Variants in DACH1 observed in about 807,000 individuals in gnomAD.
DACH1 encodes dachshund family transcription factor 1.
A neutral mutation model predicts 54.2 loss-of-function variants in DACH1; 12 were observed. That is an observed-to-expected ratio of 0.22 (90% CI 0.14 to 0.36). DACH1 has a LOEUF of 0.36. Among genes scored for constraint, DACH1 ranks in the 10% least tolerant of loss-of-function variants. The pLI is 1.00. For missense variants in DACH1, 805 were observed against 929.8 expected (o/e 0.87, Z 1.75); for synonymous variants, 386 against 366.2 (o/e 1.05, Z -0.62).
At chr13:71,698,970 C>T (rs1274122862) in intron 1 of DACH1, among the ~76,000 whole-genome samples, 1 of 152,040 alleles carries the variant, frequency 6.6e-6, no homozygotes, top group Non-Finnish European at 1.5e-5. Flanking sequence ...ACATTTAATA[C>T]TCTGAAAATG....
At chr13:71,473,176 A>G (rs1877232828) in intron 10 of DACH1, among the ~76,000 whole-genome samples, 1 of 152,254 alleles carries the variant, frequency 6.6e-6, no homozygotes, top group Non-Finnish European at 1.5e-5. Flanking sequence ...AAACAACTGT[A>G]CATTTTGACC....
chr13:71,673,531 T>C (rs1880336409), intron 2 of DACH1, among the ~76,000 whole-genome samples: 1 of 151,960 alleles, frequency 6.6e-6, no homozygotes, highest in Non-Finnish European at 1.5e-5. Context: ...TATATACCTG[T>C]ATATGCAGGA....
intron 3 of DACH1, among the ~76,000 whole-genome samples, chr13:71,575,916 A>G (rs1885499214): frequency 6.6e-6 from 1 of 152,162 alleles, no homozygotes; most frequent in Non-Finnish European, 1.5e-5. Context: ...TGCATTATTT[A>G]TAACATCCTT....
chr13:71,853,964 G>A (rs1873836318), intron 1 of DACH1, among the ~76,000 whole-genome samples: 1 of 152,134 alleles, frequency 6.6e-6, no homozygotes, highest in South Asian at 2.1e-4. Flanking sequence ...AGGAACAGAT[G>A]TGAAACTGAT....
At chr13:71,450,847 G>A (rs114083753) in intron 10 of DACH1, among the ~76,000 whole-genome samples, 1,962 of 152,186 alleles carry the variant, frequency 0.013, 38 homozygotes, top group African/African-American at 0.044. Flanking sequence ...TCATCCAGAG[G>A]AAAGCCCTAA....
At chr13:71,721,070 T>C (rs1246790013) in intron 1 of DACH1, among the ~76,000 whole-genome samples, 1 of 152,140 alleles carries the variant, frequency 6.6e-6, no homozygotes, top group Non-Finnish European at 1.5e-5. Flanking sequence ...CTATGGATAT[T>C]TAAGAAACAA....
At chr13:71,784,645 C>T (rs1886517769) in intron 1 of DACH1, among the ~76,000 whole-genome samples, 1 of 152,078 alleles carries the variant, frequency 6.6e-6, no homozygotes, top group Admixed American at 6.6e-5. Context: ...GTCCACTGCC[C>T]TCTCCTACCC....
At chr13:71,462,095 T>C (rs1338388311) in intron 10 of DACH1, among the ~76,000 whole-genome samples, 1 of 151,966 alleles carries the variant, frequency 6.6e-6, no homozygotes, top group African/African-American at 2.4e-5. Context: ...TTTGTAGCCA[T>C]CATTCATCGT....
intron 1 of DACH1, among the ~76,000 whole-genome samples, chr13:71,767,181 A>G (rs1336218851): frequency 2.6e-5 from 4 of 151,980 alleles, no homozygotes; most frequent in Non-Finnish European, 1.5e-5. Context: ...AATATTAATT[A>G]TTATCAATAT....
intron 2 of DACH1, among the ~76,000 whole-genome samples, chr13:71,647,297 G>A (rs1352959160): frequency 1.3e-5 from 2 of 152,100 alleles, no homozygotes; most frequent in Admixed American, 6.5e-5. Flanking sequence ...AAAGACATTA[G>A]TTTGAAAACA....
intron 1 of DACH1, among the ~76,000 whole-genome samples, chr13:71,812,388 T>C (rs552314637): frequency 7.2e-4 from 110 of 152,318 alleles, no homozygotes; most frequent in African/African-American, 2.5e-3. Context: ...TTAATCAACT[T>C]CTACTCTTAA....
chr13:71,854,864 A>G (rs925730661), intron 1 of DACH1, among the ~76,000 whole-genome samples: 4 of 152,092 alleles, frequency 2.6e-5, no homozygotes, highest in African/African-American at 9.6e-5. Context: ...GGAAACAGCC[A>G]AAGAACTGAT....
intron 3 of DACH1, among the ~76,000 whole-genome samples, chr13:71,607,414 A>C (rs1357234191): frequency 6.6e-6 from 1 of 152,000 alleles, no homozygotes; most frequent in Non-Finnish European, 1.5e-5. Context: ...AACAATTCTA[A>C]AATTTTTTTT....
Position 71,462,588 on chromosome 13 carries a change from AACT to A in DACH1, c.2083+12550_2083+12552del, listed in dbSNP as rs370611817. On this transcript the variant is annotated intron_variant, in intron 10 of 10. Transcript: ENST00000613252. ...TTTTACCAAAAATAAACACAATTTC[AACT>A]ACTATTACATTAAATTTGTGCATAA... Among the ~76,000 whole-genome samples the A allele has an allele frequency of 4.9e-3, 745 of 152,028 alleles. 4 individuals carry two copies. The highest frequency in any genetic ancestry group is 7.9e-3 in the Non-Finnish European group (534 of 67,860).
chr13:71,489,279 T>A, intron 6 of DACH1, 131 bp from the exon 7 acceptor site: 1 of 976,210 alleles, frequency 1.0e-6, no homozygotes, highest in Non-Finnish European at 1.5e-6. Flanking sequence ...GAGAAAATGC[T>A]TTCTGCTGAA....
intron 6 of DACH1, among the ~76,000 whole-genome samples, chr13:71,519,421 G>A (rs1881405165): frequency 6.6e-6 from 1 of 151,690 alleles, no homozygotes; most frequent in African/African-American, 2.4e-5. Flanking sequence ...AAACATGGTA[G>A]GAACAATAGT....
intron 1 of DACH1, among the ~76,000 whole-genome samples, chr13:71,763,352 C>T (rs781353754): frequency 5.3e-5 from 8 of 152,180 alleles, no homozygotes; most frequent in Admixed American, 3.3e-4. Flanking sequence ...CACTGCCTCT[C>T]ATTTTTGCTT....
chr13:71,833,826 C>T (rs1451452802), intron 1 of DACH1, among the ~76,000 whole-genome samples: 1 of 151,780 alleles, frequency 6.6e-6, no homozygotes, highest in Non-Finnish European at 1.5e-5. Context: ...AATTGTAATC[C>T]CTAGTTTTGT....
chr13:71,823,120 C>A (rs1467750097), intron 1 of DACH1, among the ~76,000 whole-genome samples: 2 of 151,874 alleles, frequency 1.3e-5, no homozygotes, highest in African/African-American at 2.4e-5. Context: ...ATAAAATATT[C>A]AAAAAATTAT....
Sources: gnomAD v4.1 joint callset for allele counts (sites outside exome capture counted in the v4.1 genomes callset) on GRCh38, gnomAD v4.1.1 for gene constraint, MANE v1.5 for transcripts, NCBI Gene and HGNC (gene_info 2026-07-23, HGNC 2026-07-21) for gene names.